Variants in POLE2 observed in about 807,000 individuals in gnomAD.
POLE2 encodes the protein DNA polymerase epsilon subunit 2.
Under a neutral mutation model 79.4 loss-of-function variants are expected in POLE2, and 56 were observed. The ratio of observed to expected loss-of-function variants is 0.71; its 90% CI spans 0.57 to 0.88. POLE2 has a LOEUF of 0.88. Among genes scored for constraint, POLE2 ranks in the 40% least tolerant of loss-of-function variants. POLE2 has a pLI of 0.00. For synonymous variants in POLE2, 212 were observed against 214.0 expected, an observed-to-expected ratio of 0.99 and a Z score of 0.08; for missense variants, 598 against 638.9, an observed-to-expected ratio of 0.94 and a Z score of 0.69.
In POLE2 at chr14:49,677,461, G is replaced by A. The variant is rs1238455042; in HGVS notation, c.245+2264C>T. ...CTATCTTGCTTGGAGACGAGGGGCA[G>A]CCAGTTTTAATACACTTGGATGCCA... is the stretch of plus-strand genomic sequence containing the variant. On this transcript the variant is annotated intron_variant, in intron 3 of 18. Coordinates refer to ENST00000216367, the MANE Select transcript of POLE2 (RefSeq NM_002692.4). The A allele has an allele frequency of 5.5e-5, 26 of 469,478 alleles. No homozygotes were observed. In the East Asian group the frequency reaches 9.5e-4, roughly 17 times the overall value. 29.1% of individuals were successfully genotyped at this position (469,478 alleles called of 1,614,324 possible). A position where few individuals can be genotyped will look rare whatever the true frequency, so the allele number is the denominator to read the frequency against.
chr14:49,665,049 T>C, intron 8 of POLE2, 58 bp downstream of exon 8: 1 of 802,132 alleles, frequency 1.2e-6, no homozygotes, highest in Non-Finnish European at 2.1e-6. Context: ...GGATATATAA[T>C]CAATTTCCCC....
intron 3 of POLE2, chr14:49,677,661 T>C (rs1309206503): frequency 2.4e-6 from 2 of 822,090 alleles, no homozygotes; most frequent in Non-Finnish European, 3.8e-6. Context: ...TATGCCACAA[T>C]GTTTGGGGAA....
chr14:49,677,655 C>G, intron 3 of POLE2: 1 of 776,926 alleles, frequency 1.3e-6, no homozygotes, highest in Admixed American at 2.5e-5. Context: ...GTGATATATG[C>G]CACAATGTTT....
intron 1 of POLE2, among the ~76,000 whole-genome samples, chr14:49,684,155 T>A (rs1886937126): frequency 6.6e-6 from 1 of 152,064 alleles, no homozygotes; most frequent in Admixed American, 6.6e-5. Flanking sequence ...TGTTTTCAAT[T>A]GTAAAATAAG....
chr14:49,655,877 C>A, intron 10 of POLE2, 34 bp from the exon 11 acceptor site: 2 of 1,046,718 alleles, frequency 1.9e-6, no homozygotes, highest in Non-Finnish European at 2.9e-6. Context: ...CTTCTATATA[C>A]CACTAGAGAT....
intron 3 of POLE2, among the ~76,000 whole-genome samples, chr14:49,676,555 T>TC (rs1202684620): frequency 5.3e-5 from 8 of 152,182 alleles, no homozygotes; most frequent in Admixed American, 5.2e-4. Context: ...TACCATTCAG[T>TC]CCCCACTGGA....
rs1885644298 is a variant in POLE2, at chr14:49,668,442, A to T, written c.492+1082T>A. ...AGCCTGGGCAACATGACAAGACCCCATGTCTCTATCAAAAGAAAAAAAAAA... is the reference window on the plus strand; with the variant it reads ...AGCCTGGGCAACATGACAAGACCCCTTGTCTCTATCAAAAGAAAAAAAAAA... On this transcript the variant is annotated intron_variant, in intron 6 of 18. Transcript: ENST00000216367. 2.0e-5 allele frequency among the ~76,000 whole-genome samples: 3 copies of T among 151,318 alleles called. 1 individual carries two copies. Among genetic ancestry groups the T allele is most frequent in the African/African-American group, 7.3e-5 (3 of 41,148 alleles).
At chr14:49,664,969 A>G (rs947551147) in intron 8 of POLE2, 138 bp downstream of exon 8, 4 of 654,564 alleles carry the variant, frequency 6.1e-6, no homozygotes, top group African/African-American at 5.6e-5. Flanking sequence ...GTTTAGGATT[A>G]TATCTCTACA....
intron 4 of POLE2, 54 bp from the exon 5 acceptor site, chr14:49,674,270 A>T: frequency 6.8e-7 from 1 of 1,472,106 alleles, no homozygotes; most frequent in South Asian, 1.1e-5. Context: ...AGGTGAGCCA[A>T]AAGTGAAGCA....
intron 1 of POLE2, among the ~76,000 whole-genome samples, chr14:49,686,548 T>C (rs937879391): frequency 6.6e-6 from 1 of 152,186 alleles, no homozygotes; most frequent in Non-Finnish European, 1.5e-5. Flanking sequence ...AAGCCACACC[T>C]GAATTCCTAA....
chr14:49,678,105 T>C (rs1035623802), intron 3 of POLE2, among the ~76,000 whole-genome samples: 2 of 151,890 alleles, frequency 1.3e-5, no homozygotes, highest in African/African-American at 4.8e-5. Context: ...GTTCAAGCGA[T>C]TCTCCTGCCT....
Position 49,663,303 on chromosome 14 carries a change from A to C in POLE2, c.755+12T>G. 1.3e-6 allele frequency: 2 copies of C among 1,487,754 alleles called. No individual in the cohort carries two copies. Among genetic ancestry groups the C allele is most frequent in the Non-Finnish European group, 1.9e-6 (2 of 1,080,532 alleles). The allele number at this position is 1,487,754 out of a possible 1,614,324, so 92.2% of individuals were successfully genotyped here. On this transcript the variant is annotated intron_variant, in intron 10 of 18. Coordinates refer to ENST00000216367, the MANE Select transcript of POLE2 (RefSeq NM_002692.4). ...CAAATTCCCATAGAGTATAAACCAA[A>C]CATTTTAATACCTAGTAGTACTAGA...
chr14:49,672,568 T>C (rs1885975158), intron 5 of POLE2, among the ~76,000 whole-genome samples: 1 of 151,750 alleles, frequency 6.6e-6, no homozygotes, highest in Non-Finnish European at 1.5e-5. Flanking sequence ...GGCGCCATCT[T>C]GGCTCACCAT....
intron 6 of POLE2, among the ~76,000 whole-genome samples, chr14:49,667,918 A>G (rs936692382): frequency 1.3e-5 from 2 of 152,220 alleles, no homozygotes; most frequent in Non-Finnish European, 1.5e-5. Context: ...AAAAACTTAT[A>G]TAATCCCATC....
At chr14:49,687,838 T>TG (rs1887267634) in intron 1 of POLE2, among the ~76,000 whole-genome samples, 1 of 152,052 alleles carries the variant, frequency 6.6e-6, no homozygotes, top group Non-Finnish European at 1.5e-5. Context: ...TAACTGGGAC[T>TG]ACAAGCGCGC....
intron 2 of POLE2, among the ~76,000 whole-genome samples, chr14:49,680,666 A>T (rs951991046): frequency 1.3e-5 from 2 of 152,250 alleles, no homozygotes; most frequent in African/African-American, 4.8e-5. Context: ...GACTGATTCC[A>T]GTGGGGGCTC....
In POLE2 at chr14:49,666,323, A is replaced by C. The variant is rs976669405; in HGVS notation, c.576+7T>G. The stretch of plus-strand genomic sequence containing the variant: ...CAAAAATAAAAGTTTGATGCTTATT[A>C]AGTTACCTCTTTTAACTGCGTTATC... On this transcript the variant is annotated splice_region_variant and intron_variant, in intron 7 of 18. Transcript: ENST00000216367. The C allele has an allele frequency of 2.7e-6, 4 of 1,471,340 alleles. No homozygotes were observed. Among genetic ancestry groups the C allele is most frequent in the Non-Finnish European group, 3.7e-6 (4 of 1,078,282 alleles). 91.1% of individuals were successfully genotyped at this position (1,471,340 alleles called of 1,614,324 possible).
chr14:49,644,866 C>T (rs1039158524), intron 18 of POLE2, among the ~76,000 whole-genome samples: 1 of 151,922 alleles, frequency 6.6e-6, no homozygotes, highest in East Asian at 1.9e-4. Context: ...CATGGTGAAA[C>T]TCCATCTCTA....
At chr14:49,654,707 C>A in intron 13 of POLE2, 77 bp downstream of exon 13, 1 of 1,425,132 alleles carries the variant, frequency 7.0e-7, no homozygotes, top group Non-Finnish European at 9.3e-7. Flanking sequence ...GTAATAATTG[C>A]TGATATAACA....
Sources: allele counts gnomAD v4.1 joint callset (sites outside exome capture counted in the v4.1 genomes callset), GRCh38; gene constraint gnomAD v4.1.1; transcripts MANE v1.5; gene names NCBI Gene and HGNC (gene_info 2026-07-23, HGNC 2026-07-21).